The following ECE1 variants were observed in gnomAD, a reference collection of about 807,000 sequenced individuals.
The protein encoded by ECE1 is endothelin-converting enzyme 1.
Under a neutral mutation model 98.6 loss-of-function variants are expected in ECE1, and 35 were observed. That is an observed-to-expected ratio of 0.35 (90% CI 0.27 to 0.47). The LOEUF (loss-of-function observed/expected upper bound fraction) is 0.47. Ranked by LOEUF, ECE1 falls within the 20% of genes least tolerant of loss-of-function variation. The pLI is 1.00. For missense variants in ECE1, 814 were observed against 1,025.3 expected, an observed-to-expected ratio of 0.79 and a Z score of 2.81; for synonymous variants, 394 against 407.1, an observed-to-expected ratio of 0.97 and a Z score of 0.39.
chr1:21,238,436 T>A lies in ECE1; in HGVS notation c.1279-192A>T, dbSNP rs1460409632. 7.8e-6 allele frequency: 5 copies of A among 638,044 alleles called. No homozygotes were observed. In the Admixed American group the frequency reaches 9.2e-5, roughly 12 times the overall value. 39.5% of individuals were successfully genotyped at this position (638,044 alleles called of 1,614,324 possible). A position where few individuals can be genotyped will look rare whatever the true frequency, so the allele number is the denominator to read the frequency against. On this transcript the variant is annotated intron_variant, in intron 10 of 18. Transcript: ENST00000374893. Reference sequence around the variant, plus strand: ...ATACCCTCACTCCCACCCCCTGCCATTTCCTGAATGCCAGGCTCTGTGCTG... The same window carrying A: ...ATACCCTCACTCCCACCCCCTGCCAATTCCTGAATGCCAGGCTCTGTGCTG...
chr1:21,299,466 C>A (rs186303994), intron 1 of ECE1: 17 of 153,074 alleles, frequency 1.1e-4, no homozygotes, highest in Non-Finnish European at 2.0e-4. Flanking sequence ...TCAGCCCAGG[C>A]GATGTCTTGG....
At chr1:21,332,713 AGGGGAGGGGAGGGGAG>A (rs1453502051) in intron 1 of ECE1, among the ~76,000 whole-genome samples, 5 of 1,236 alleles carry the variant, frequency 4.0e-3, no homozygotes, top group Admixed American at 0.018. Context: ...GAGGTGAGGG[AGGGGAGGGGAGGGGAG>A]GGGAGGGGAG....
At position 21,345,488 on chromosome 1, in the gene ECE1, G is replaced by A. The variant is rs531591793; in HGVS notation, c.-110C>T. The stretch of plus-strand genomic sequence containing the variant: ...GCTGCTCGGACGGCTCGGCTGCCTG[G>A]CCCAGGCGGCGCGCTCAGCTCCAGC... On this transcript the variant is annotated 5_prime_UTR_variant, in exon 1 of 19. Coordinates refer to the ECE1 transcript ENST00000415912. The surrounding 1 kb of genome is among the most constrained non-coding windows in gnomAD (Gnocchi z 5.1). The A allele has an allele frequency of 2.6e-4, 269 of 1,052,142 alleles. 1 individual carries two copies. The highest frequency in any genetic ancestry group is 3.0e-4 in the Non-Finnish European group (252 of 832,692). 65.2% of individuals were successfully genotyped at this position (1,052,142 alleles called of 1,614,324 possible).
chr1:21,320,036 G>T (rs1450282188), intron 1 of ECE1, among the ~76,000 whole-genome samples: 2 of 152,204 alleles, frequency 1.3e-5, no homozygotes, highest in African/African-American at 4.8e-5. Context: ...AAAAACAAAG[G>T]TGCATGCATA....
chr1:21,278,258 ACTT>A (rs1479224181), intron 3 of ECE1, among the ~76,000 whole-genome samples: 2 of 152,156 alleles, frequency 1.3e-5, no homozygotes, highest in Non-Finnish European at 2.9e-5. Flanking sequence ...ACCCCTTCGC[ACTT>A]CTTAAGTGTT....
intron 1 of ECE1, among the ~76,000 whole-genome samples, chr1:21,317,769 C>G (rs1485543162): frequency 6.6e-6 from 1 of 152,202 alleles, no homozygotes; most frequent in Non-Finnish European, 1.5e-5. Flanking sequence ...TGCATCCAAA[C>G]AGATCCTCTG....
chr1:21,320,006 C>T (rs538255306), intron 1 of ECE1, among the ~76,000 whole-genome samples: 1 of 152,172 alleles, frequency 6.6e-6, no homozygotes, highest in Non-Finnish European at 1.5e-5. Context: ...TAAAATACAC[C>T]AACGATAGCC....
At chr1:21,285,121 C>G (rs1159676210) in intron 2 of ECE1, among the ~76,000 whole-genome samples, 1 of 152,178 alleles carries the variant, frequency 6.6e-6, no homozygotes, top group East Asian at 1.9e-4. Flanking sequence ...CTGCCTGAGC[C>G]TTGTCTGCTA....
intron 8 of ECE1, among the ~76,000 whole-genome samples, chr1:21,252,772 C>G: frequency 6.6e-6 from 1 of 152,200 alleles, no homozygotes; most frequent in East Asian, 1.9e-4. Flanking sequence ...TTTCCAGACA[C>G]CAGGGAACAA....
intron 1 of ECE1, among the ~76,000 whole-genome samples, chr1:21,311,150 G>T (rs1638714235): frequency 6.6e-6 from 1 of 152,186 alleles, no homozygotes; most frequent in African/African-American, 2.4e-5. Context: ...GATGAATGGG[G>T]GCTGTTGTTT....
chr1:21,315,356 C>T (rs1638809615), intron 1 of ECE1, among the ~76,000 whole-genome samples: 1 of 152,208 alleles, frequency 6.6e-6, no homozygotes, highest in Non-Finnish European at 1.5e-5. Context: ...AATGGATCAA[C>T]CTCAGAGATG....
chr1:21,322,012 C>T lies in ECE1; in HGVS notation c.3+23364G>A, dbSNP rs1054254970. Among the ~76,000 whole-genome samples, 1 of 152,116 alleles carries T rather than the reference C, an allele frequency of 6.6e-6. No individual in the cohort carries two copies. The highest frequency in any genetic ancestry group is 2.1e-4 in the South Asian group (1 of 4,824). On this transcript the variant is annotated intron_variant, in intron 1 of 18. Coordinates refer to the ECE1 transcript ENST00000415912. The surrounding 1 kb of genome is among the most constrained non-coding windows in gnomAD (Gnocchi z 4.1). ...TTGGAAGGGGCCAGTTGGTGTGATT[C>T]CCAGGTCCGAATGAAACAGAGCTGC...
chr1:21,303,935 G>C (rs1638540105), intron 1 of ECE1, among the ~76,000 whole-genome samples: 1 of 151,804 alleles, frequency 6.6e-6, no homozygotes, highest in East Asian at 1.9e-4. Context: ...ACAGGCATGA[G>C]TCACCGTGCC....
At position 21,322,718 on chromosome 1, in the gene ECE1, G is replaced by C. The variant is rs919705738; in HGVS notation, c.3+22658C>G. On this transcript the variant is annotated intron_variant, in intron 1 of 18. Transcript: ENST00000415912. The surrounding 1 kb of genome is among the most constrained non-coding windows in gnomAD (Gnocchi z 4.1). ...CGATGGAGAGGAGAGGCACAGGAAAGGGGGCAGACAGACAAGGGCCTCTTG... is the reference window on the plus strand; with the variant it reads ...CGATGGAGAGGAGAGGCACAGGAAACGGGGCAGACAGACAAGGGCCTCTTG... 6.6e-6 allele frequency among the ~76,000 whole-genome samples: 1 copy of C among 152,232 alleles called. No individual in the cohort carries two copies. Among genetic ancestry groups the C allele is most frequent in the Non-Finnish European group, 1.5e-5 (1 of 68,042 alleles).
intron 8 of ECE1, among the ~76,000 whole-genome samples, chr1:21,250,155 G>A (rs556489346): frequency 6.6e-6 from 1 of 151,962 alleles, no homozygotes; most frequent in Admixed American, 6.6e-5. Flanking sequence ...CCCCACTCCT[G>A]GAAACTACCA....
chr1:21,295,957 G>A (rs1638341374), intron 1 of ECE1, among the ~76,000 whole-genome samples: 1 of 152,086 alleles, frequency 6.6e-6, no homozygotes, highest in Non-Finnish European at 1.5e-5. Flanking sequence ...TGAACTGCCT[G>A]GCATCCAGCA....
Position 21,260,945 on chromosome 1 carries a change from C to T in ECE1, c.494-553G>A, listed in dbSNP as rs989396301. Among the ~76,000 whole-genome samples, 2 of 152,220 alleles carry T rather than the reference C, an allele frequency of 1.3e-5. No individual in the cohort carries two copies. Among genetic ancestry groups the T allele is most frequent in the African/African-American group, 2.4e-5 (1 of 41,448 alleles). ...CGTTTTCCACCGCCCTTGCCAACTC[C>T]AGCAAGCAGCATCTCCCTCCTGCAG... On this transcript the variant is annotated intron_variant, in intron 4 of 18. Coordinates refer to ENST00000374893, the MANE Select transcript of ECE1 (RefSeq NM_001397.3). This position sits in a 1 kb window ranked among gnomAD's most constrained non-coding sequence, Gnocchi z 4.3.
chr1:21,259,908 C>T (rs528671316), intron 5 of ECE1, among the ~76,000 whole-genome samples: 2 of 152,156 alleles, frequency 1.3e-5, no homozygotes, highest in South Asian at 2.1e-4. Flanking sequence ...TCCACACACA[C>T]AAACATAACC....
intron 2 of ECE1, chr1:21,279,620 T>C: frequency 7.0e-7 from 1 of 1,428,174 alleles, no homozygotes; most frequent in African/African-American, 1.4e-5. Context: ...AACTACAGCT[T>C]TTCCCTGTTT....
Sources: allele counts gnomAD v4.1 joint callset (sites outside exome capture counted in the v4.1 genomes callset), GRCh38; gene constraint gnomAD v4.1.1; non-coding constraint Gnocchi (gnomAD v3.1); transcripts MANE v1.5; gene names NCBI Gene and HGNC (gene_info 2026-07-23, HGNC 2026-07-21).